The following SYT1 variants were observed in gnomAD, a reference collection of about 807,000 sequenced individuals.
The protein encoded by SYT1 is synaptotagmin-1.
Under a neutral mutation model 44.8 loss-of-function variants are expected in SYT1, and 8 were observed. The ratio of observed to expected loss-of-function variants is 0.18; its 90% CI spans 0.10 to 0.32. The LOEUF (loss-of-function observed/expected upper bound fraction) is 0.32, where lower values mean the gene tolerates loss of function less well. Ranked by LOEUF, SYT1 falls within the 10% of genes least tolerant of loss-of-function variation. The probability of loss-of-function intolerance (pLI) is 1.00; values close to 1 mark genes in which losing one functional copy is unlikely to be tolerated. For missense variants in SYT1, 286 were observed against 509.3 expected (o/e 0.56, Z 4.22); for synonymous variants, 154 against 188.8 (o/e 0.82, Z 1.51).
chr12:79,048,596 C>T (rs1014570926), intron 3 of SYT1, among the ~76,000 whole-genome samples: 1 of 151,844 alleles, frequency 6.6e-6, no homozygotes, highest in African/African-American at 2.4e-5. Flanking sequence ...ATATTTTAAA[C>T]AGAAATCTAT....
At chr12:78,933,622 T>G (rs1279830878) in intron 1 of SYT1, among the ~76,000 whole-genome samples, 3 of 150,092 alleles carry the variant, frequency 2.0e-5, no homozygotes, top group Non-Finnish European at 4.4e-5. Flanking sequence ...AATAACCATC[T>G]CATTTAAAAG....
chr12:78,896,909 T>C (rs1234106984), intron 1 of SYT1, among the ~76,000 whole-genome samples: 5 of 151,794 alleles, frequency 3.3e-5, no homozygotes, highest in Admixed American at 3.3e-4. Context: ...TATCACTTTC[T>C]ACAGCAAAAT....
chr12:79,409,877 TA>T (rs1868349583), intron 9 of SYT1, among the ~76,000 whole-genome samples: 1 of 152,056 alleles, frequency 6.6e-6, no homozygotes, highest in Non-Finnish European at 1.5e-5. Context: ...TTGCATTGAT[TA>T]AAGAGAAAAA....
chr12:79,242,772 C>T (rs1953516775), intron 4 of SYT1, among the ~76,000 whole-genome samples: 1 of 152,184 alleles, frequency 6.6e-6, no homozygotes, highest in Non-Finnish European at 1.5e-5. Flanking sequence ...CAGTGGAAGA[C>T]TGTGTGTTAT....
At chr12:79,350,435 G>C (rs1882847777) in intron 8 of SYT1, among the ~76,000 whole-genome samples, 1 of 151,722 alleles carries the variant, frequency 6.6e-6, no homozygotes, top group Non-Finnish European at 1.5e-5. Flanking sequence ...TCTATTTTTA[G>C]TAGAGACGGG....
chr12:79,065,243 G>A (rs1469977941), intron 3 of SYT1, among the ~76,000 whole-genome samples: 1 of 152,096 alleles, frequency 6.6e-6, no homozygotes, highest in African/African-American at 2.4e-5. Context: ...AAAATAGCCG[G>A]CATTATAGCA....
intron 1 of SYT1, among the ~76,000 whole-genome samples, chr12:78,868,342 G>T (rs1187636262): frequency 2.0e-5 from 3 of 151,812 alleles, no homozygotes; most frequent in Non-Finnish European, 4.4e-5. Context: ...CGTCTTGCAT[G>T]CATTCTGCAG....
intron 9 of SYT1, among the ~76,000 whole-genome samples, chr12:79,397,456 C>T (rs928791215): frequency 6.6e-6 from 1 of 152,092 alleles, no homozygotes; most frequent in Non-Finnish European, 1.5e-5. Context: ...CTCGAACTCC[C>T]GGCTCACGTG....
chr12:78,896,856 C>A (rs566970472), intron 1 of SYT1, among the ~76,000 whole-genome samples: 1 of 151,698 alleles, frequency 6.6e-6, no homozygotes, highest in South Asian at 2.1e-4. Flanking sequence ...ATTTCTATAT[C>A]TTTAGGAAGA....
intron 3 of SYT1, among the ~76,000 whole-genome samples, chr12:79,144,811 C>G (rs1458734513): frequency 6.6e-6 from 1 of 152,230 alleles, no homozygotes; most frequent in African/African-American, 2.4e-5. Context: ...TTGAATCCAT[C>G]TGCACTGTCA....
intron 3 of SYT1, among the ~76,000 whole-genome samples, chr12:79,135,369 A>G (rs138139473): frequency 1.6e-3 from 245 of 151,532 alleles, no homozygotes; most frequent in African/African-American, 5.6e-3. Context: ...TTATTTGTCA[A>G]TTATATCTCA....
chr12:79,062,681 A>G (rs1242402289), intron 3 of SYT1, among the ~76,000 whole-genome samples: 2 of 152,218 alleles, frequency 1.3e-5, no homozygotes, highest in Non-Finnish European at 2.9e-5. Flanking sequence ...GATATTTTTG[A>G]ACACACGGAA....
At chr12:78,884,486 G>A (rs1201777419) in intron 1 of SYT1, among the ~76,000 whole-genome samples, 2 of 151,452 alleles carry the variant, frequency 1.3e-5, no homozygotes, top group South Asian at 4.1e-4. Flanking sequence ...TTTATAGATT[G>A]ATCATGTCTA....
At chr12:78,988,719 C>G (rs1869823713) in intron 2 of SYT1, among the ~76,000 whole-genome samples, 2 of 151,966 alleles carry the variant, frequency 1.3e-5, no homozygotes, top group African/African-American at 4.8e-5. Context: ...CATGCAGAGC[C>G]TTGTGAGAAA....
intron 3 of SYT1, among the ~76,000 whole-genome samples, chr12:79,198,943 G>A (rs2138485010): frequency 6.6e-6 from 1 of 152,304 alleles, no homozygotes; most frequent in South Asian, 2.1e-4. Flanking sequence ...AGACAGGCAT[G>A]AAGAAGGGGA....
At chr12:79,157,759 G>A (rs1265779265) in intron 3 of SYT1, among the ~76,000 whole-genome samples, 1 of 152,122 alleles carries the variant, frequency 6.6e-6, no homozygotes, top group Non-Finnish European at 1.5e-5. Flanking sequence ...ACCTTACTAT[G>A]CCCTGGAATT....
chr12:79,304,850 A>G (rs1880315981), intron 8 of SYT1, among the ~76,000 whole-genome samples: 1 of 152,030 alleles, frequency 6.6e-6, no homozygotes, highest in Non-Finnish European at 1.5e-5. Flanking sequence ...ACTATAATAT[A>G]TATTAGTGTA....
chr12:79,074,610 C>T (rs1340088038), intron 3 of SYT1, among the ~76,000 whole-genome samples: 3 of 152,154 alleles, frequency 2.0e-5, no homozygotes, highest in Non-Finnish European at 4.4e-5. Flanking sequence ...ATCCTTCATT[C>T]TTGAGTTTTG....
intron 2 of SYT1, among the ~76,000 whole-genome samples, chr12:79,026,099 A>T (rs1872513242): frequency 1.3e-5 from 2 of 151,720 alleles, no homozygotes; most frequent in South Asian, 2.1e-4. Flanking sequence ...TTTGAATTTT[A>T]TATAATTTTT....
Sources: gnomAD v4.1 joint callset for allele counts (sites outside exome capture counted in the v4.1 genomes callset) on GRCh38, gnomAD v4.1.1 for gene constraint, MANE v1.5 for transcripts, NCBI Gene and HGNC (gene_info 2026-07-23, HGNC 2026-07-21) for gene names.